LRRC37A2: variants seen among roughly 807,000 people sequenced by gnomAD.
The protein encoded by LRRC37A2 is leucine-rich repeat-containing protein 37A2.
Under a neutral mutation model 68.8 loss-of-function variants are expected in LRRC37A2, and 9 were observed. The ratio of observed to expected loss-of-function variants is 0.13; its 90% CI spans 0.08 to 0.23. The LOEUF (loss-of-function observed/expected upper bound fraction) is 0.23. Ranked by LOEUF, LRRC37A2 falls within the 10% of genes least tolerant of loss-of-function variation. The pLI is 1.00. For synonymous variants in LRRC37A2, 63 were observed against 367.6 expected, an observed-to-expected ratio of 0.17 and a Z score of 9.48; for missense variants, 168 against 950.4, an observed-to-expected ratio of 0.18 and a Z score of 10.82.
chr17:46,454,095 A>G, the LRRC37A2 span, among the ~76,000 whole-genome samples: 2 of 95,976 alleles, frequency 2.1e-5, no homozygotes, highest in African/African-American at 7.7e-5. Context: ...TAATTTGAGC[A>G]TTTTCTGTGT....
At chr17:47,005,998 C>T in the LRRC37A2 span, among the ~76,000 whole-genome samples, 120 of 152,226 alleles carry the variant, frequency 7.9e-4, no homozygotes, top group African/African-American at 2.9e-3. Context: ...CTGTTGCAAA[C>T]CCTGTCTCTA....
At chr17:46,935,741 T>C in the LRRC37A2 span, 1 of 987,768 alleles carries the variant, frequency 1.0e-6, no homozygotes, top group Non-Finnish European at 1.2e-6. Context: ...TAGGTATTCC[T>C]AGAAGCCCTG....
At chr17:46,922,945 A>C in the LRRC37A2 span, 1 of 582,674 alleles carries the variant, frequency 1.7e-6, no homozygotes, top group Non-Finnish European at 3.1e-6. Context: ...CCTTCAGCGA[A>C]CATGTACACC....
At chr17:46,945,909 G>T in the LRRC37A2 span, among the ~76,000 whole-genome samples, 27 of 152,344 alleles carry the variant, frequency 1.8e-4, no homozygotes, top group African/African-American at 6.3e-4. Flanking sequence ...TTGTTGCTAT[G>T]TGCATGGAGT....
At chr17:46,883,565 G>A in the LRRC37A2 span, among the ~76,000 whole-genome samples, 282 of 152,312 alleles carry the variant, frequency 1.9e-3, 1 homozygote, top group African/African-American at 6.5e-3. Flanking sequence ...GATTACAGGC[G>A]TGAGCCACTG....
the LRRC37A2 span, among the ~76,000 whole-genome samples, chr17:46,758,042 G>C: frequency 1.3e-5 from 2 of 151,842 alleles, no homozygotes; most frequent in Non-Finnish European, 2.9e-5. Flanking sequence ...CCACAAACAA[G>C]GTTAGTAATA....
At chr17:46,787,545 C>G in the LRRC37A2 span, among the ~76,000 whole-genome samples, 1 of 152,238 alleles carries the variant, frequency 6.6e-6, no homozygotes, top group Admixed American at 6.5e-5. Context: ...TGCTGACTCC[C>G]AGCCAGAGCT....
chr17:46,746,886 G>A, the LRRC37A2 span, among the ~76,000 whole-genome samples: 1 of 152,166 alleles, frequency 6.6e-6, no homozygotes, highest in Admixed American at 6.5e-5. Flanking sequence ...GACTGATCTG[G>A]AGAGGTGCCA....
the LRRC37A2 span, among the ~76,000 whole-genome samples, chr17:46,915,845 T>C: frequency 6.6e-6 from 1 of 152,252 alleles, no homozygotes; most frequent in South Asian, 2.1e-4. Context: ...ATTTATTTTA[T>C]GGCATTGAAC....
chr17:46,760,386 T>C, the LRRC37A2 span, among the ~76,000 whole-genome samples: 1 of 151,778 alleles, frequency 6.6e-6, no homozygotes, highest in Admixed American at 6.6e-5. Context: ...GTAGTCCCAA[T>C]GCTGAGAGGC....
the LRRC37A2 span, among the ~76,000 whole-genome samples, chr17:46,838,148 G>A: frequency 2.0e-5 from 3 of 152,184 alleles, no homozygotes; most frequent in African/African-American, 2.4e-5. Flanking sequence ...AGCCTTCTCT[G>A]TGTCACTGGC....
the LRRC37A2 span, among the ~76,000 whole-genome samples, chr17:46,827,868 G>A: frequency 1.0e-4 from 15 of 149,872 alleles, no homozygotes; most frequent in African/African-American, 3.0e-4. Context: ...GGAGTGCAGT[G>A]GTGCAATCTC....
the LRRC37A2 span, among the ~76,000 whole-genome samples, chr17:46,837,608 A>C: frequency 6.6e-6 from 1 of 152,152 alleles, no homozygotes; most frequent in Non-Finnish European, 1.5e-5. Flanking sequence ...TAAACGCTAG[A>C]GGTGGGATGT....
chr17:46,849,979 C>G, the LRRC37A2 span, among the ~76,000 whole-genome samples: 1 of 152,094 alleles, frequency 6.6e-6, no homozygotes, highest in Non-Finnish European at 1.5e-5. Context: ...TCCTGAGTAG[C>G]TGGGATTACA....
chr17:46,853,702 T>C, the LRRC37A2 span, among the ~76,000 whole-genome samples: 1 of 152,108 alleles, frequency 6.6e-6, no homozygotes, highest in Non-Finnish European at 1.5e-5. Flanking sequence ...TTATAGAATC[T>C]TGATGTCCTG....
At chr17:46,773,240 C>T in the LRRC37A2 span, among the ~76,000 whole-genome samples, 4 of 152,056 alleles carry the variant, frequency 2.6e-5, no homozygotes, top group East Asian at 3.9e-4. Flanking sequence ...TTGGGGGCAA[C>T]GCAATGCTAC....
At chr17:46,970,947 T>C in the LRRC37A2 span, among the ~76,000 whole-genome samples, 82 of 152,362 alleles carry the variant, frequency 5.4e-4, no homozygotes, top group African/African-American at 1.9e-3. Context: ...TATGAAAGGC[T>C]GCATGCCAAA....
chr17:46,849,435 C>T, the LRRC37A2 span, among the ~76,000 whole-genome samples: 4 of 152,214 alleles, frequency 2.6e-5, no homozygotes, highest in African/African-American at 9.7e-5. Context: ...CCCACTCCAT[C>T]CTCACCTGCC....
At chr17:46,392,431 CTCTT>C in the LRRC37A2 span, among the ~76,000 whole-genome samples, 1,621 of 29,636 alleles carry the variant, frequency 0.055, 310 homozygotes, top group East Asian at 0.16. Flanking sequence ...CTTTCTTTCT[CTCTT>C]TCTTTCTTTC....
Sources: allele counts gnomAD v4.1 joint callset (sites outside exome capture counted in the v4.1 genomes callset), GRCh38; gene constraint gnomAD v4.1.1; transcripts MANE v1.5; gene names NCBI Gene and HGNC (gene_info 2026-07-23, HGNC 2026-07-21).